The following SFSWAP variants were observed in gnomAD, a reference collection of about 807,000 sequenced individuals.
SFSWAP encodes splicing factor, suppressor of white-apricot homolog.
A neutral mutation model predicts 100.7 loss-of-function variants in SFSWAP; 17 were observed. The observed-to-expected ratio is 0.17, with a 90% confidence interval of 0.12 to 0.25. SFSWAP has a LOEUF of 0.25. Ranked by LOEUF, SFSWAP falls within the 10% of genes least tolerant of loss-of-function variation. SFSWAP has a pLI of 1.00. For missense variants in SFSWAP, 1,005 were observed against 1,262.6 expected, an observed-to-expected ratio of 0.80 and a Z score of 3.09; for synonymous variants, 504 against 510.1, an observed-to-expected ratio of 0.99 and a Z score of 0.16.
intron 4 of SFSWAP, among the ~76,000 whole-genome samples, chr12:131,724,879 C>T (rs1878809393): frequency 1.3e-5 from 2 of 152,148 alleles, no homozygotes; most frequent in Admixed American, 6.5e-5. Flanking sequence ...GAGCAGGGCT[C>T]AGGTGCAGAA....
intron 15 of SFSWAP, among the ~76,000 whole-genome samples, chr12:131,792,189 CTG>C (rs1157314762): frequency 6.7e-6 from 1 of 149,156 alleles, no homozygotes; most frequent in African/African-American, 2.5e-5. Context: ...CAGATCATTA[CTG>C]TGTGTGCGCC....
At chr12:131,786,820 G>A (rs527895995) in intron 15 of SFSWAP, among the ~76,000 whole-genome samples, 32 of 152,014 alleles carry the variant, frequency 2.1e-4, no homozygotes, top group Non-Finnish European at 4.0e-4. Flanking sequence ...GGCTCTGCAC[G>A]GCCTGGCTTC....
chr12:131,799,247 G>C (rs1008131762), intron 17 of SFSWAP, 138 bp downstream of exon 17: 149 of 1,009,286 alleles, frequency 1.5e-4, no homozygotes, highest in Non-Finnish European at 2.1e-4. Flanking sequence ...ACAGGCTCTG[G>C]GTGAGGCCGA....
At chr12:131,785,970 C>A in intron 14 of SFSWAP, 1 of 153,684 alleles carries the variant, frequency 6.5e-6, no homozygotes, top group Admixed American at 6.4e-5. Context: ...GGTATTCAGA[C>A]AGGTAGACAT....
chr12:131,717,144 T>C (rs545706476), intron 3 of SFSWAP, among the ~76,000 whole-genome samples: 1 of 152,300 alleles, frequency 6.6e-6, no homozygotes, highest in Admixed American at 6.5e-5. Context: ...TAGAATCCAG[T>C]ACCACTAACA....
chr12:131,756,691 G>A (rs1882204423), intron 11 of SFSWAP, 47 bp downstream of exon 11: 2 of 1,482,738 alleles, frequency 1.3e-6, no homozygotes, highest in Admixed American at 2.3e-5. Flanking sequence ...ACCATAAGTT[G>A]GCAAGCGTAG....
At chr12:131,791,457 T>G (rs1198523727) in intron 15 of SFSWAP, among the ~76,000 whole-genome samples, 1 of 150,286 alleles carries the variant, frequency 6.7e-6, no homozygotes, top group African/African-American at 2.4e-5. Flanking sequence ...AATTCTAACA[T>G]TCAAGAAAGG....
chr12:131,777,458 A>C (rs910211905), intron 13 of SFSWAP, among the ~76,000 whole-genome samples: 2 of 152,164 alleles, frequency 1.3e-5, no homozygotes, highest in Non-Finnish European at 2.9e-5. Flanking sequence ...CCATGTCCCT[A>C]CAAAGGACAT....
At chr12:131,747,844 C>T (rs904270675) in intron 7 of SFSWAP, among the ~76,000 whole-genome samples, 2 of 152,226 alleles carry the variant, frequency 1.3e-5, no homozygotes, top group Non-Finnish European at 2.9e-5. Flanking sequence ...GTGGTTAATG[C>T]ACAAGTTCAA....
chr12:131,731,382 G>T (rs1313421823), intron 7 of SFSWAP, among the ~76,000 whole-genome samples: 1 of 152,178 alleles, frequency 6.6e-6, no homozygotes, highest in Non-Finnish European at 1.5e-5. Flanking sequence ...TCATGCTTCT[G>T]TGTGCTGTTG....
At position 131,735,706 on chromosome 12, in the gene SFSWAP, A is replaced by C. The variant is rs578006311; in HGVS notation, c.1081+7278A>C. ...GTCCTCACGTGAGCTGCACGCAGCG[A>C]GCAGAGCCCTGACTTCCAGTCTGGA... On this transcript the variant is annotated intron_variant, in intron 7 of 17. Coordinates refer to ENST00000261674, the MANE Select transcript of SFSWAP (RefSeq NM_004592.4). Among the ~76,000 whole-genome samples, 272 of 152,352 alleles carry C rather than the reference A, an allele frequency of 1.8e-3. 2 individuals carry two copies. The highest frequency in any genetic ancestry group is 6.0e-3 in the African/African-American group (249 of 41,586).
At chr12:131,712,638 C>T (rs1877484369) in intron 1 of SFSWAP, 1 of 152,176 alleles carries the variant, frequency 6.6e-6, no homozygotes, top group Non-Finnish European at 1.5e-5. Flanking sequence ...CCTGACGTTT[C>T]CTTTTGGAAT....
chr12:131,728,886 G>C (rs1393326264), intron 7 of SFSWAP, among the ~76,000 whole-genome samples: 1 of 152,008 alleles, frequency 6.6e-6, no homozygotes. Flanking sequence ...ATAGGGATGG[G>C]GTCTCACTAT....
Position 131,778,376 on chromosome 12 carries a change from T to C in SFSWAP, c.2408+46T>C. On this transcript the variant is annotated intron_variant, in intron 14 of 17. Transcript: ENST00000261674. This position sits in a 1 kb window ranked among gnomAD's most constrained non-coding sequence, Gnocchi z 4.2. Reference sequence around the variant, plus strand: ...ACCTCTGGTACCCTCATGACCCCCATGTCCTTCACAGGACACCCAGTAGAG... The same window carrying C: ...ACCTCTGGTACCCTCATGACCCCCACGTCCTTCACAGGACACCCAGTAGAG... 2 of 1,586,780 alleles carry C rather than the reference T, an allele frequency of 1.3e-6. No individual in the cohort carries two copies. Among genetic ancestry groups the C allele is most frequent in the Non-Finnish European group, 1.7e-6 (2 of 1,167,150 alleles).
intron 11 of SFSWAP, among the ~76,000 whole-genome samples, chr12:131,760,839 C>G (rs1363232673): frequency 3.9e-5 from 6 of 151,990 alleles, no homozygotes; most frequent in Non-Finnish European, 8.8e-5. Context: ...TTTGGGAGGC[C>G]GAGGGGGGCA....
At chr12:131,795,504 GGGTAGA>G (rs1425593187) in intron 15 of SFSWAP, among the ~76,000 whole-genome samples, 1 of 152,188 alleles carries the variant, frequency 6.6e-6, no homozygotes, top group Non-Finnish European at 1.5e-5. Flanking sequence ...TCCTAGAGAT[GGGTAGA>G]GGGCACAGCC....
At chr12:131,759,153 ATAT>A (rs1373275276) in intron 11 of SFSWAP, among the ~76,000 whole-genome samples, 2 of 152,234 alleles carry the variant, frequency 1.3e-5, no homozygotes, top group Non-Finnish European at 2.9e-5. Flanking sequence ...ATGAGAACAT[ATAT>A]TATTTTAAAT....
At chr12:131,770,888 C>A (rs1368004932) in intron 13 of SFSWAP, among the ~76,000 whole-genome samples, 1 of 152,172 alleles carries the variant, frequency 6.6e-6, no homozygotes, top group Non-Finnish European at 1.5e-5. Context: ...CTGCTTGCAG[C>A]CTCTGTGAAC....
At position 131,734,446 on chromosome 12, in the gene SFSWAP, C is replaced by A. The variant is rs1486073279; in HGVS notation, c.1081+6018C>A. ...GACTAGGAGGTCAGAGAGGCAGCCG[C>A]CCACCCCACGCACTCCCTGCTTGTA... On this transcript the variant is annotated intron_variant, in intron 7 of 17. Coordinates refer to ENST00000261674, the MANE Select transcript of SFSWAP (RefSeq NM_004592.4). This position sits in a 1 kb window ranked among gnomAD's most constrained non-coding sequence, Gnocchi z 4.9. Among the ~76,000 whole-genome samples the A allele has an allele frequency of 6.6e-6, 1 of 152,216 alleles. No homozygotes were observed. Among genetic ancestry groups the A allele is most frequent in the Non-Finnish European group, 1.5e-5 (1 of 68,038 alleles).
Sources: allele counts gnomAD v4.1 joint callset (sites outside exome capture counted in the v4.1 genomes callset), GRCh38; gene constraint gnomAD v4.1.1; non-coding constraint Gnocchi (gnomAD v3.1); transcripts MANE v1.5; gene names NCBI Gene and HGNC (gene_info 2026-07-23, HGNC 2026-07-21).